Variants in RBFOX3 observed in about 807,000 individuals in gnomAD.
RBFOX3 encodes the protein RNA binding protein fox-1 homolog 3.
A neutral mutation model predicts 48.7 loss-of-function variants in RBFOX3; 17 were observed. The ratio of observed to expected loss-of-function variants is 0.35; its 90% CI spans 0.24 to 0.52. The LOEUF (loss-of-function observed/expected upper bound fraction) is 0.52. Ranked by LOEUF, RBFOX3 falls within the 20% of genes least tolerant of loss-of-function variation. The pLI, the probability that RBFOX3 is intolerant of heterozygous loss-of-function variation, is 0.94. For missense variants in RBFOX3, 382 were observed against 497.5 expected (o/e 0.77, Z 2.21); for synonymous variants, 212 against 209.5 (o/e 1.01, Z -0.10).
In RBFOX3 at chr17:79,244,307, G is replaced by A. The variant is rs542033581; in HGVS notation, c.-73-8502C>T. 2.0e-5 allele frequency among the ~76,000 whole-genome samples: 3 copies of A among 152,248 alleles called. No individual in the cohort carries two copies. The East Asian group carries it at 5.8e-4, about 29-fold the overall frequency. On this transcript the variant is annotated intron_variant, in intron 3 of 14. Coordinates refer to ENST00000693108, the MANE Select transcript of RBFOX3 (RefSeq NM_001350451.2). Reference sequence around the variant, plus strand: ...TAGGGCGCGCTGAAAACTGCCAGGAGACTTGAAAGGACAAGGAAGGAACCT... The same window carrying A: ...TAGGGCGCGCTGAAAACTGCCAGGAAACTTGAAAGGACAAGGAAGGAACCT...
In RBFOX3 at chr17:79,479,888, C is replaced by T. The variant is rs938672753; in HGVS notation, c.-175+2566G>A. 5.9e-5 allele frequency among the ~76,000 whole-genome samples: 9 copies of T among 152,192 alleles called. No homozygotes were observed. The South Asian group carries it at 6.2e-4, about 10-fold the overall frequency. ...CCTCCCCTAGGGACAGAGCTGCACG[C>T]ATCTTCTTGGAACTAGGCGTCTGAG... On this transcript the variant is annotated intron_variant, in intron 2 of 14. Transcript: ENST00000693108. This position sits in a 1 kb window ranked among gnomAD's most constrained non-coding sequence, Gnocchi z 5.1.
At chr17:79,216,723 C>G (rs762921599) in intron 4 of RBFOX3, among the ~76,000 whole-genome samples, 7 of 152,148 alleles carry the variant, frequency 4.6e-5, no homozygotes, top group African/African-American at 7.2e-5. Context: ...CCTGCTTGAC[C>G]GGGCACAGAA....
chr17:79,410,271 A>AT (rs2064117307), intron 2 of RBFOX3, among the ~76,000 whole-genome samples: 5 of 152,294 alleles, frequency 3.3e-5, no homozygotes, highest in African/African-American at 1.2e-4. Flanking sequence ...GCACAGTCTT[A>AT]GCTGCTCCCA....
chr17:79,195,616 T>C lies in RBFOX3; in HGVS notation c.-34+40150A>G, dbSNP rs2055426764. Among the ~76,000 whole-genome samples the C allele has an allele frequency of 6.6e-6, 1 of 152,192 alleles. No individual in the cohort carries two copies. The highest frequency in any genetic ancestry group is 2.1e-4 in the South Asian group (1 of 4,830). ...GATATCTGAGACTGGGGCCTCCTTA[T>C]TTTGTCCTACCATTGCAGCTGTGCA... is the stretch of plus-strand genomic sequence containing the variant. On this transcript the variant is annotated intron_variant, in intron 4 of 14. Transcript: ENST00000693108. The surrounding 1 kb of genome is among the most constrained non-coding windows in gnomAD (Gnocchi z 5.3).
At chr17:79,478,318 T>C (rs933164300) in intron 2 of RBFOX3, among the ~76,000 whole-genome samples, 41 of 151,956 alleles carry the variant, frequency 2.7e-4, no homozygotes, top group Non-Finnish European at 7.4e-5. Context: ...GGGGCCGGGG[T>C]GGATGGATGA....
intron 1 of RBFOX3, among the ~76,000 whole-genome samples, chr17:79,522,929 C>CA (rs34245309): frequency 0.078 from 2,484 of 31,856 alleles, 379 homozygotes; most frequent in Non-Finnish European, 0.16. Context: ...GACTCCGTCT[C>CA]AAAAAAAAAA....
intron 1 of RBFOX3, among the ~76,000 whole-genome samples, chr17:79,582,011 T>C (rs1210875802): frequency 1.4e-5 from 2 of 146,872 alleles, no homozygotes; most frequent in Non-Finnish European, 3.0e-5. Flanking sequence ...CCCGTGTATG[T>C]GCCTGTGCGT....
At chr17:79,284,543 C>CTTT (rs55731401) in intron 3 of RBFOX3, among the ~76,000 whole-genome samples, 2 of 135,784 alleles carry the variant, frequency 1.5e-5, no homozygotes, top group Admixed American at 7.4e-5. Flanking sequence ...AAGAGACTCG[C>CTTT]TTTTTTTTTT....
chr17:79,181,038 C>T (rs745506490), intron 4 of RBFOX3, among the ~76,000 whole-genome samples: 6 of 152,200 alleles, frequency 3.9e-5, no homozygotes, highest in African/African-American at 1.2e-4. Context: ...CAACTATGAG[C>T]GCTGGTCTAA....
In RBFOX3 at chr17:79,198,839, G is replaced by A. The variant is rs557976875; in HGVS notation, c.-34+36927C>T. Among the ~76,000 whole-genome samples, 1 of 152,220 alleles carries A rather than the reference G, an allele frequency of 6.6e-6. No homozygotes were observed. Among genetic ancestry groups the A allele is most frequent in the Admixed American group, 6.5e-5 (1 of 15,290 alleles). On this transcript the variant is annotated intron_variant, in intron 4 of 14. Coordinates refer to ENST00000693108, the MANE Select transcript of RBFOX3 (RefSeq NM_001350451.2). This position sits in a 1 kb window ranked among gnomAD's most constrained non-coding sequence, Gnocchi z 8.2. ...AGATGGCGTTTCATCATGTTGGCCAGGCTAATCTCGAACTCCTGACCTCAG... is the reference window on the plus strand; with the variant it reads ...AGATGGCGTTTCATCATGTTGGCCAAGCTAATCTCGAACTCCTGACCTCAG...
intron 1 of RBFOX3, chr17:79,598,594 C>A (rs1279610667): frequency 2.0e-5 from 3 of 152,152 alleles, no homozygotes; most frequent in African/African-American, 4.8e-5. Flanking sequence ...TTTTCCTCCA[C>A]AGAGGAGCAT....
At chr17:79,115,303 T>C (rs2033581334) in intron 5 of RBFOX3, among the ~76,000 whole-genome samples, 191 bp downstream of exon 5, 1 of 152,176 alleles carries the variant, frequency 6.6e-6, no homozygotes, top group Non-Finnish European at 1.5e-5. Context: ...GAGCAGGGGC[T>C]GGAAATGCCT....
At chr17:79,592,706 C>T (rs1294857441) in intron 1 of RBFOX3, among the ~76,000 whole-genome samples, 1 of 152,170 alleles carries the variant, frequency 6.6e-6, no homozygotes, top group African/African-American at 2.4e-5. Context: ...CTCCCAGGGA[C>T]AGCCACTCCC....
At chr17:79,188,819 G>A (rs1016823164) in intron 4 of RBFOX3, among the ~76,000 whole-genome samples, 1 of 152,248 alleles carries the variant, frequency 6.6e-6, no homozygotes, top group Non-Finnish European at 1.5e-5. Context: ...TCCACCCCAG[G>A]GCTCGGTGGG....
chr17:79,425,571 G>A (rs2067209882), intron 2 of RBFOX3, among the ~76,000 whole-genome samples: 1 of 152,264 alleles, frequency 6.6e-6, no homozygotes, highest in African/African-American at 2.4e-5. Context: ...CACAGCAGAG[G>A]CCATGGGGGT....
chr17:79,583,844 G>T (rs1464731492), intron 1 of RBFOX3, among the ~76,000 whole-genome samples: 1 of 152,238 alleles, frequency 6.6e-6, no homozygotes, highest in Non-Finnish European at 1.5e-5. Context: ...CCAGGCCAGA[G>T]AAGGTGGTGG....
At chr17:79,324,742 G>A (rs1020508272) in intron 2 of RBFOX3, among the ~76,000 whole-genome samples, 4 of 152,210 alleles carry the variant, frequency 2.6e-5, no homozygotes, top group South Asian at 2.1e-4. Context: ...GCTGCAGCAC[G>A]GCCACAAGCC....
Position 79,106,722 on chromosome 17 carries a change from G to A in RBFOX3, c.289C>T (p.Gln97Ter). 3 of 1,503,636 alleles carry A rather than the reference G, an allele frequency of 2.0e-6. No individual in the cohort carries two copies. Among genetic ancestry groups the A allele is most frequent in the Non-Finnish European group, 1.8e-6 (2 of 1,130,204 alleles). The allele number at this position is 1,503,636 out of a possible 1,614,324, so 93.1% of individuals were successfully genotyped here. ...TTGGAGACGTGTAGCCGCTTGGGCT[G>A]CTGCTTCTCTGTAGGGTCGGAGGGG... is the stretch of plus-strand genomic sequence containing the variant. ...LHPSDPTEKQ[Q>*]PKRLHVSNIP... The change falls in exon 6 of 15, where the codon CAG (glutamine) becomes TAG (stop). Residue 97 changes from glutamine (Q) to a stop codon, truncating the protein, a stop_gained. Coordinates refer to ENST00000693108, the MANE Select transcript of RBFOX3 (RefSeq NM_001350451.2). LOFTEE classifies it high-confidence loss of function.
chr17:79,533,600 T>C (rs1448798707), intron 1 of RBFOX3, among the ~76,000 whole-genome samples: 1 of 152,230 alleles, frequency 6.6e-6, no homozygotes, highest in Non-Finnish European at 1.5e-5. Context: ...GCCCCGAGCA[T>C]GAGGCATAGA....
Sources: allele counts gnomAD v4.1 joint callset (sites outside exome capture counted in the v4.1 genomes callset), GRCh38; gene constraint gnomAD v4.1.1; non-coding constraint Gnocchi (gnomAD v3.1); transcripts MANE v1.5; gene names NCBI Gene and HGNC (gene_info 2026-07-23, HGNC 2026-07-21).